The following ASIP variants were observed in gnomAD, a reference collection of about 807,000 sequenced individuals.
ASIP encodes agouti-signaling protein.
In ASIP, 11 loss-of-function variants were observed where a neutral mutation model predicts 10.3. The ratio of observed to expected loss-of-function variants is 1.07; its 90% CI spans 0.68 to 1.78. The LOEUF is 1.78. Among genes scored for constraint, ASIP ranks in the 40% most tolerant of loss-of-function variants. The pLI is 0.00. For missense variants in ASIP, 180 were observed against 169.2 expected (o/e 1.06, Z -0.35); for synonymous variants, 70 against 70.8 (o/e 0.99, Z 0.06).
At position 34,259,237 on chromosome 20, in the gene ASIP, A is replaced by G. The variant is rs564093593; in HGVS notation, c.-10-1128A>G. 1.5e-4 allele frequency among the ~76,000 whole-genome samples: 22 copies of G among 151,368 alleles called. No individual in the cohort carries two copies. The East Asian group carries it at 2.9e-3, about 20-fold the overall frequency. On this transcript the variant is annotated intron_variant, in intron 1 of 3. Coordinates refer to ENST00000374954, the MANE Select transcript of ASIP (RefSeq NM_001672.3). Reference sequence around the variant, plus strand: ...CAAACAATGACAACAGAAAAAAACTATATGAGCTTGAGTTAGAAAATATAG... The same window carrying G: ...CAAACAATGACAACAGAAAAAAACTGTATGAGCTTGAGTTAGAAAATATAG...
chr20:34,239,126 T>C (rs764445628), upstream of ASIP, among the ~76,000 whole-genome samples: 39 of 152,182 alleles, frequency 2.6e-4, no homozygotes, highest in Non-Finnish European at 4.7e-4. Flanking sequence ...CTGCTTTCTT[T>C]CCCTGCTTTT....
At chr20:34,252,486 G>A (rs548997635) in intron 1 of ASIP, among the ~76,000 whole-genome samples, 3 of 152,310 alleles carry the variant, frequency 2.0e-5, no homozygotes, top group African/African-American at 7.2e-5. Flanking sequence ...AAGAGTAACA[G>A]AGCAGTATTG....
intron 1 of ASIP, among the ~76,000 whole-genome samples, chr20:34,204,642 T>G (rs2122541941): frequency 6.6e-6 from 1 of 152,320 alleles, no homozygotes; most frequent in East Asian, 1.9e-4. Flanking sequence ...ACTCAATAAT[T>G]TCAGTTAAAT....
At chr20:34,215,604 C>A in intron 1 of ASIP, 1 of 1,488,994 alleles carries the variant, frequency 6.7e-7, no homozygotes, top group Admixed American at 1.7e-5. Context: ...AAGGTCTTCT[C>A]TGGTTGGGGA....
chr20:34,201,849 C>G (rs1306109069), intron 1 of ASIP, among the ~76,000 whole-genome samples: 1 of 152,196 alleles, frequency 6.6e-6, no homozygotes, highest in Non-Finnish European at 1.5e-5. Context: ...TATAAAGCTT[C>G]TACTTTTAAT....
At chr20:34,206,834 C>A (rs1237484828) in intron 1 of ASIP, among the ~76,000 whole-genome samples, 1 of 152,224 alleles carries the variant, frequency 6.6e-6, no homozygotes, top group Non-Finnish European at 1.5e-5. Context: ...CCTGCCTCGA[C>A]CTCACAAAGT....
intron 1 of ASIP, among the ~76,000 whole-genome samples, chr20:34,198,678 G>A (rs1422724904): frequency 1.3e-5 from 2 of 151,880 alleles, no homozygotes; most frequent in Non-Finnish European, 2.9e-5. Flanking sequence ...TAGAGATAGG[G>A]TCTTGCTGTG....
In ASIP at chr20:34,234,430, T is replaced by C. The variant is rs1260443696; in HGVS notation, c.-10-25935T>C. Among the ~76,000 whole-genome samples, 5 of 152,248 alleles carry C rather than the reference T, an allele frequency of 3.3e-5. No homozygotes were observed. The East Asian group carries it at 7.7e-4, about 23-fold the overall frequency. On this transcript the variant is annotated intron_variant, in intron 1 of 3. Coordinates refer to the ASIP transcript ENST00000568305. The stretch of plus-strand genomic sequence containing the variant: ...TGCAGTAGGTCTTCCAGAGTTGTGG[T>C]TGAGGCCAGGCATCCAGTGGGCGCT...
chr20:34,261,328 G>A (rs1373567312), intron 2 of ASIP, among the ~76,000 whole-genome samples: 1 of 151,928 alleles, frequency 6.6e-6, no homozygotes, highest in Non-Finnish European at 1.5e-5. Flanking sequence ...GGGAGACCCC[G>A]TCTCTACAGA....
At chr20:34,255,112 G>A (rs1260464176) in intron 1 of ASIP, among the ~76,000 whole-genome samples, 1 of 152,118 alleles carries the variant, frequency 6.6e-6, no homozygotes, top group Non-Finnish European at 1.5e-5. Context: ...AACTGAGCTT[G>A]TACCTACATT....
At chr20:34,245,793 A>C (rs531542449) in intron 1 of ASIP, among the ~76,000 whole-genome samples, 1 of 152,092 alleles carries the variant, frequency 6.6e-6, no homozygotes, top group South Asian at 2.1e-4. Context: ...ACCTTGTACA[A>C]AACAGTGAAA....
intron 1 of ASIP, among the ~76,000 whole-genome samples, chr20:34,253,483 ATTTT>A (rs1361168230): frequency 2.8e-5 from 4 of 142,484 alleles, no homozygotes; most frequent in African/African-American, 1.1e-4. Context: ...TTATTTATTT[ATTTT>A]TTAGAGACAG....
chr20:34,223,226 C>T lies in ASIP; in HGVS notation c.-11+28466C>T, dbSNP rs1412149240. Reference sequence around the variant, plus strand: ...GCCATCACATCTAGGAAGTGAGGAGCGTCTCTGCCCGGCCGCCCATCGTCT... The same window carrying T: ...GCCATCACATCTAGGAAGTGAGGAGTGTCTCTGCCCGGCCGCCCATCGTCT... On this transcript the variant is annotated intron_variant, in intron 1 of 3. Coordinates refer to the ASIP transcript ENST00000568305. Among the ~76,000 whole-genome samples the T allele has an allele frequency of 9.9e-4, 148 of 150,202 alleles. 1 individual carries two copies. The highest frequency in any genetic ancestry group is 3.6e-3 in the African/African-American group (146 of 40,772).
chr20:34,243,570 A>C (rs2035317025), intron 1 of ASIP, among the ~76,000 whole-genome samples: 1 of 152,130 alleles, frequency 6.6e-6, no homozygotes, highest in Non-Finnish European at 1.5e-5. Context: ...ACTGTGGAGC[A>C]CATGTTGATA....
chr20:34,192,893 A>C (rs1421350379), upstream of ASIP, among the ~76,000 whole-genome samples: 2 of 152,226 alleles, frequency 1.3e-5, no homozygotes, highest in East Asian at 3.8e-4. Context: ...TAAAATATAT[A>C]ATGATCAACT....
chr20:34,214,056 A>G, intron 1 of ASIP: 1 of 1,283,422 alleles, frequency 7.8e-7, no homozygotes, highest in South Asian at 1.2e-5. Flanking sequence ...CATTATTAAC[A>G]ATCATCACTC....
upstream of ASIP, chr20:34,241,370 A>G: frequency 2.5e-6 from 2 of 794,172 alleles, no homozygotes; most frequent in Non-Finnish European, 3.1e-6. Context: ...ATAATTTTGT[A>G]GTATGATTGG....
rs1312846450 is a variant in ASIP, at chr20:34,269,309, T to C, written c.*142T>C. On this transcript the variant is annotated 3_prime_UTR_variant, in exon 4 of 4. Transcript: ENST00000374954. The stretch of plus-strand genomic sequence containing the variant: ...GATGGGACTTCAGGGAGACCTGGCT[T>C]GGGCTAAAATCGAAATACAATATAT... 23 of 1,107,222 alleles carry C rather than the reference T, an allele frequency of 2.1e-5. No homozygotes were observed. Among genetic ancestry groups the C allele is most frequent in the Non-Finnish European group, 2.7e-5 (22 of 815,660 alleles). 68.6% of individuals were successfully genotyped at this position (1,107,222 alleles called of 1,614,324 possible).
At chr20:34,246,036 T>A (rs1568761393) in intron 1 of ASIP, 1 of 938,670 alleles carries the variant, frequency 1.1e-6, no homozygotes, top group Non-Finnish European at 1.7e-6. Context: ...TTATGTCATC[T>A]GTAAAGTCTC....
Sources: allele counts gnomAD v4.1 joint callset (sites outside exome capture counted in the v4.1 genomes callset), GRCh38; gene constraint gnomAD v4.1.1; transcripts MANE v1.5; gene names NCBI Gene and HGNC (gene_info 2026-07-23, HGNC 2026-07-21).